The following PXDC1 variants were observed in gnomAD, a reference collection of about 807,000 sequenced individuals.
PXDC1 encodes the protein PX domain-containing protein 1.
In PXDC1, 13 loss-of-function variants were observed where a neutral mutation model predicts 24.4. The ratio of observed to expected loss-of-function variants is 0.53; its 90% CI spans 0.35 to 0.85. The LOEUF (loss-of-function observed/expected upper bound fraction) is 0.85. PXDC1 is among the 40% of genes least tolerant of loss of function. The pLI, the probability that PXDC1 is intolerant of heterozygous loss-of-function variation, is 0.01. For missense variants in PXDC1, 344 were observed against 309.3 expected (o/e 1.11, Z -0.84); for synonymous variants, 162 against 124.9 (o/e 1.30, Z -1.98).
At position 3,738,036 on chromosome 6, in the gene PXDC1, C is replaced by A. The variant is rs1012045764; in HGVS notation, c.348+21G>T. ...AGCACCTCCCACCTCCCTGCCCAGC[C>A]CGGGGCCTGGCCACACTCACTTTAC... On this transcript the variant is annotated intron_variant, in intron 2 of 4. Coordinates refer to ENST00000380283, the MANE Select transcript of PXDC1 (RefSeq NM_183373.4). The A allele has an allele frequency of 1.2e-5, 18 of 1,517,714 alleles. 1 individual carries two copies. In the African/African-American group the frequency reaches 3.1e-4, roughly 26 times the overall value. The allele number at this position is 1,517,714 out of a possible 1,614,324, so 94.0% of individuals were successfully genotyped here.
chr6:3,745,437 G>A (rs1026210200), intron 1 of PXDC1, among the ~76,000 whole-genome samples: 4 of 152,238 alleles, frequency 2.6e-5, no homozygotes, highest in African/African-American at 9.6e-5. Context: ...CCCTGCGTGC[G>A]GATATTATTA....
At chr6:3,736,890 G>GA (rs1561735260) in intron 3 of PXDC1, among the ~76,000 whole-genome samples, 189 bp downstream of exon 3, 1 of 152,212 alleles carries the variant, frequency 6.6e-6, no homozygotes, top group Non-Finnish European at 1.5e-5. Context: ...CAGCAGGAGT[G>GA]AAAACCACAG....
intron 1 of PXDC1, chr6:3,751,016 G>A (rs1760700329): frequency 6.8e-6 from 3 of 443,486 alleles, no homozygotes; most frequent in Non-Finnish European, 1.2e-5. Context: ...TCCGGCGCCC[G>A]CCCTGCCGGC....
At chr6:3,739,845 G>A (rs1760416144) in intron 1 of PXDC1, among the ~76,000 whole-genome samples, 1 of 152,182 alleles carries the variant, frequency 6.6e-6, no homozygotes, top group African/African-American at 2.4e-5. Flanking sequence ...ATGTATATAT[G>A]CACCACTCTT....
chr6:3,743,483 G>C (rs1760495240), intron 1 of PXDC1, among the ~76,000 whole-genome samples: 1 of 152,104 alleles, frequency 6.6e-6, no homozygotes, highest in Admixed American at 6.5e-5. Flanking sequence ...ATGCTGCACG[G>C]GAGACACACA....
At chr6:3,750,296 AGAG>A (rs1347781604) in intron 1 of PXDC1, among the ~76,000 whole-genome samples, 1 of 152,192 alleles carries the variant, frequency 6.6e-6, no homozygotes, top group Non-Finnish European at 1.5e-5. Context: ...GTCTCTGCTT[AGAG>A]GAGGACTGCA....
intron 3 of PXDC1, among the ~76,000 whole-genome samples, chr6:3,734,231 G>A (rs1055404451): frequency 3.3e-5 from 5 of 152,160 alleles, no homozygotes; most frequent in African/African-American, 7.2e-5. Context: ...TGATAGAGAC[G>A]GGAGGCCAGG....
intron 1 of PXDC1, among the ~76,000 whole-genome samples, chr6:3,747,776 G>C (rs578143277): frequency 4.6e-5 from 7 of 152,090 alleles, no homozygotes; most frequent in Non-Finnish European, 1.0e-4. Flanking sequence ...TGTTTATCTT[G>C]TTACTATTGG....
chr6:3,732,841 C>T (rs1760232427), intron 3 of PXDC1, among the ~76,000 whole-genome samples: 1 of 151,976 alleles, frequency 6.6e-6, no homozygotes, highest in Admixed American at 6.6e-5. Context: ...GCCTGTTCCC[C>T]ATGGCACCAC....
Position 3,751,645 on chromosome 6 carries a change from T to A in PXDC1, c.-114A>T. 1 of 1,333,846 alleles carries A rather than the reference T, an allele frequency of 7.5e-7. No homozygotes were observed. Among genetic ancestry groups the A allele is most frequent in the Non-Finnish European group, 9.5e-7 (1 of 1,047,700 alleles). The allele number at this position is 1,333,846 out of a possible 1,614,324, so 82.6% of individuals were successfully genotyped here. A position where few individuals can be genotyped will look rare whatever the true frequency, so the allele number is the denominator to read the frequency against. On this transcript the variant is annotated 5_prime_UTR_variant, in exon 1 of 5. Coordinates refer to ENST00000380283, the MANE Select transcript of PXDC1 (RefSeq NM_183373.4). ...TGTCCGTGGCCGGGGTCGTCCGGGGTCGGCCCGTCACTCCAAGGAGGCTGC... is the reference window on the plus strand; with the variant it reads ...TGTCCGTGGCCGGGGTCGTCCGGGGACGGCCCGTCACTCCAAGGAGGCTGC...
chr6:3,726,312 C>T (rs1760065054), intron 4 of PXDC1, among the ~76,000 whole-genome samples: 1 of 152,238 alleles, frequency 6.6e-6, no homozygotes, highest in South Asian at 2.1e-4. Context: ...AGCCTGTTGG[C>T]ATGGGGGACC....
In PXDC1 at chr6:3,725,499, A is replaced by G. The variant is rs1018527445; in HGVS notation, c.579-1763T>C. On this transcript the variant is annotated intron_variant, in intron 4 of 4. Transcript: ENST00000380283. This position sits in a 1 kb window ranked among gnomAD's most constrained non-coding sequence, Gnocchi z 4.8. ...TGCAGGTGGGTCTCTGGGCCCTGGC[A>G]CTGGTGCCCACTTGCCCCTGGGGCC... 1.3e-5 allele frequency among the ~76,000 whole-genome samples: 2 copies of G among 152,308 alleles called. No homozygotes were observed. The highest frequency in any genetic ancestry group is 4.1e-4 in the South Asian group (2 of 4,828).
chr6:3,751,595 G>T lies in PXDC1; in HGVS notation c.-64C>A. 1 of 1,430,790 alleles carries T rather than the reference G, an allele frequency of 7.0e-7. No individual in the cohort carries two copies. The highest frequency in any genetic ancestry group is 9.1e-7 in the Non-Finnish European group (1 of 1,097,514). The allele number at this position is 1,430,790 out of a possible 1,614,324, so 88.6% of individuals were successfully genotyped here. A position where few individuals can be genotyped will look rare whatever the true frequency, so the allele number is the denominator to read the frequency against. On this transcript the variant is annotated 5_prime_UTR_variant, in exon 1 of 5. Coordinates refer to ENST00000380283, the MANE Select transcript of PXDC1 (RefSeq NM_183373.4). ...CCGCCCGCCCGCCCGCAGGAGGCGCGCCCCGGCCGGGGTCGTCCCGGGTCT... is the reference window on the plus strand; with the variant it reads ...CCGCCCGCCCGCCCGCAGGAGGCGCTCCCCGGCCGGGGTCGTCCCGGGTCT...
At chr6:3,749,477 T>C (rs1760649258) in intron 1 of PXDC1, among the ~76,000 whole-genome samples, 1 of 145,840 alleles carries the variant, frequency 6.9e-6, no homozygotes, top group Non-Finnish European at 1.5e-5. Context: ...ACACAGCTTG[T>C]GACCGCGTAA....
intron 4 of PXDC1, among the ~76,000 whole-genome samples, chr6:3,726,848 C>T (rs1349159029): frequency 1.3e-5 from 2 of 152,258 alleles, no homozygotes; most frequent in African/African-American, 2.4e-5. Context: ...TGGTCTTCAA[C>T]ACAACCCGTG....
Position 3,727,597 on chromosome 6 carries a change from G to T in PXDC1, c.532C>A (p.Pro178Thr), listed in dbSNP as rs1167934638. 3.1e-6 allele frequency: 5 copies of T among 1,613,720 alleles called. No individual in the cohort carries two copies. The highest frequency in any genetic ancestry group is 4.2e-6 in the Non-Finnish European group (5 of 1,179,612). ...TETIVIDHSI[P>T]NGRDQQLGVD... ...CCCAGCTGCTGGTCTCTTCCATTTG[G>T]TATACTGTGGTCAATAACTATTGTT... The change falls in exon 4 of 5, where the codon CCA becomes ACA. Residue 178 changes from proline to threonine, a missense_variant. Physicochemically the swap from Pro to Thr is conservative, Grantham distance 38. Transcript: ENST00000380283.
chr6:3,731,690 C>G (rs1760200017), intron 3 of PXDC1, among the ~76,000 whole-genome samples: 1 of 152,220 alleles, frequency 6.6e-6, no homozygotes, highest in African/African-American at 2.4e-5. Context: ...GTTGCTCTGT[C>G]TTGGTCTTCT....
chr6:3,737,269 G>C lies in PXDC1; in HGVS notation c.349-73C>G, dbSNP rs1488725325. On this transcript the variant is annotated intron_variant, in intron 2 of 4. Transcript: ENST00000380283. The surrounding 1 kb of genome is among the most constrained non-coding windows in gnomAD (Gnocchi z 5.5). ...TGGCCCTGTCTGTCTACCAAGAGAG[G>C]GCCCCGCTCCTCCGCAGAGGCAGCC... 4.7e-6 allele frequency: 5 copies of C among 1,061,884 alleles called. No individual in the cohort carries two copies. The highest frequency in any genetic ancestry group is 7.3e-6 in the Non-Finnish European group (5 of 686,352). The allele number at this position is 1,061,884 out of a possible 1,614,324, so 65.8% of individuals were successfully genotyped here. A position where few individuals can be genotyped will look rare whatever the true frequency, so the allele number is the denominator to read the frequency against.
chr6:3,746,540 G>A (rs1292635162), intron 1 of PXDC1, among the ~76,000 whole-genome samples: 1 of 152,146 alleles, frequency 6.6e-6, no homozygotes, highest in Non-Finnish European at 1.5e-5. Flanking sequence ...CCCTCTGGGT[G>A]GGGCAGAATG....
Sources: allele counts gnomAD v4.1 joint callset (sites outside exome capture counted in the v4.1 genomes callset), GRCh38; gene constraint gnomAD v4.1.1; non-coding constraint Gnocchi (gnomAD v3.1); transcripts MANE v1.5; gene names NCBI Gene and HGNC (gene_info 2026-07-23, HGNC 2026-07-21).